The following DNAH9 variants were observed in gnomAD, a reference collection of about 807,000 sequenced individuals.
The protein encoded by DNAH9 is DNAH9 variant protein.
A neutral mutation model predicts 471.6 loss-of-function variants in DNAH9; 345 were observed. The observed-to-expected ratio is 0.73, with a 90% CI of 0.67 to 0.80. DNAH9 has a LOEUF of 0.80. DNAH9 is among the 30% of genes least tolerant of loss of function. The pLI is 0.00. For synonymous variants in DNAH9, 2,093 were observed against 2,123.6 expected (o/e 0.99, Z 0.40); for missense variants, 5,407 against 5,609.2 (o/e 0.96, Z 1.15).
At chr17:11,953,510 T>C (rs1411117273) in intron 67 of DNAH9, among the ~76,000 whole-genome samples, 1 of 152,076 alleles carries the variant, frequency 6.6e-6, no homozygotes, top group Non-Finnish European at 1.5e-5. Context: ...TCATGTTTGT[T>C]AGAAAAGAAG....
chr17:11,784,074 G>T (rs185554825), intron 40 of DNAH9, among the ~76,000 whole-genome samples: 1,676 of 152,200 alleles, frequency 0.011, 20 homozygotes, highest in Non-Finnish European at 0.013. Context: ...TCCAAGTTTA[G>T]TTCTCTTCCT....
intron 59 of DNAH9, among the ~76,000 whole-genome samples, chr17:11,899,612 C>G (rs1267173902): frequency 6.6e-6 from 1 of 152,204 alleles, no homozygotes; most frequent in East Asian, 1.9e-4. Flanking sequence ...AGATCCAGCC[C>G]TGGCAGCTGG....
intron 38 of DNAH9, among the ~76,000 whole-genome samples, chr17:11,776,488 GCCTAAAGAGAA>G (rs1209101493): frequency 2.6e-5 from 4 of 152,080 alleles, no homozygotes; most frequent in Non-Finnish European, 5.9e-5. Context: ...GCTGAAGACT[GCCTAAAGAGAA>G]GGAGGTTGGA....
intron 38 of DNAH9, among the ~76,000 whole-genome samples, chr17:11,780,445 C>T (rs1456444269): frequency 2.0e-5 from 3 of 152,232 alleles, no homozygotes; most frequent in East Asian, 1.9e-4. Context: ...GAGCGGCAGC[C>T]TTTATGCATT....
intron 24 of DNAH9, among the ~76,000 whole-genome samples, chr17:11,701,702 G>A (rs1305367284): frequency 6.6e-6 from 1 of 150,472 alleles, no homozygotes; most frequent in Non-Finnish European, 1.5e-5. Flanking sequence ...TGTTTAAGAC[G>A]GGGTGTTGCT....
intron 66 of DNAH9, 104 bp from the exon 67 acceptor site, chr17:11,942,199 C>T (rs1974941868): frequency 2.7e-6 from 4 of 1,456,706 alleles, no homozygotes; most frequent in Admixed American, 4.0e-5. Context: ...GGAGGGGCAG[C>T]AGACGATGGG....
At chr17:11,763,001 G>A (rs548534849) in intron 35 of DNAH9, among the ~76,000 whole-genome samples, 1 of 151,912 alleles carries the variant, frequency 6.6e-6, no homozygotes, top group South Asian at 2.1e-4. Context: ...GAATGGTCTC[G>A]ATCTCCTGAC....
chr17:11,952,150 T>C (rs1159889886), intron 67 of DNAH9, among the ~76,000 whole-genome samples: 10 of 147,778 alleles, frequency 6.8e-5, no homozygotes, highest in Non-Finnish European at 1.5e-4. Flanking sequence ...TTTTTTTTTT[T>C]TTTTTTTTTG....
rs185995341 is a variant in DNAH9 at position 11,701,213 on chromosome 17, C to T, written c.5117C>T (p.Pro1706Leu). ...TEGVTAYEEK[P>L]REQWLFDHPA... ...GGTGTAACTGCCTATGAAGAAAAGC[C>T]GAGGGAGCAGTGGCTTTTTGACCAC... The change falls in exon 24 of 69, where the codon CCG (proline) becomes CTG (leucine). Residue 1706 changes from proline (P) to leucine (L), a missense_variant. By Grantham distance (98) the Pro-to-Leu change is moderately conservative (BLOSUM62 -3). Coordinates refer to ENST00000262442, the MANE Select transcript of DNAH9 (RefSeq NM_001372.4). 4.8e-5 allele frequency: 78 copies of T among 1,613,804 alleles called. No individual in the cohort carries two copies. The highest frequency in any genetic ancestry group is 5.8e-5 in the Non-Finnish European group (69 of 1,179,946).
chr17:11,935,454 C>A (rs1974678631), intron 65 of DNAH9, among the ~76,000 whole-genome samples: 1 of 151,252 alleles, frequency 6.6e-6, no homozygotes, highest in Non-Finnish European at 1.5e-5. Flanking sequence ...CGGCTCACTG[C>A]AACCTCCGCC....
chr17:11,859,662 G>A (rs907197139), intron 50 of DNAH9, among the ~76,000 whole-genome samples: 3 of 152,144 alleles, frequency 2.0e-5, no homozygotes, highest in African/African-American at 7.2e-5. Context: ...CGAGGCCTCA[G>A]GAAGCTTACA....
In DNAH9 at chr17:11,785,995, T is replaced by C. The variant is rs1968855818; in HGVS notation, c.8061+1456T>C. ...CTAGCTCCCATTTTATGAGCATTCA[T>C]TGAGAAAGACTTTTTCACCACACAA... On this transcript the variant is annotated intron_variant, in intron 41 of 68. Coordinates refer to ENST00000262442, the MANE Select transcript of DNAH9 (RefSeq NM_001372.4). Among the ~76,000 whole-genome samples, 3 of 152,224 alleles carry C rather than the reference T, an allele frequency of 2.0e-5. No homozygotes were observed. In the South Asian group the frequency reaches 6.2e-4, roughly 32 times the overall value.
intron 19 of DNAH9, among the ~76,000 whole-genome samples, chr17:11,684,106 T>C (rs1373533357): frequency 6.6e-6 from 1 of 152,228 alleles, no homozygotes; most frequent in Non-Finnish European, 1.5e-5. Flanking sequence ...TTGAGTTTAA[T>C]TCTGGTTTCT....
chr17:11,759,270 C>G (rs1459498398), intron 35 of DNAH9, among the ~76,000 whole-genome samples: 3 of 151,960 alleles, frequency 2.0e-5, no homozygotes, highest in Admixed American at 6.6e-5. Flanking sequence ...ACCCTCAACC[C>G]CCTGCCACCC....
At chr17:11,622,295 G>A (rs1410870119) in intron 6 of DNAH9, among the ~76,000 whole-genome samples, 2 of 152,110 alleles carry the variant, frequency 1.3e-5, no homozygotes, top group Non-Finnish European at 2.9e-5. Context: ...TATGAAAGGC[G>A]CACCTTAAAC....
At chr17:11,833,016 T>A (rs1970727118) in intron 48 of DNAH9, among the ~76,000 whole-genome samples, 1 of 152,224 alleles carries the variant, frequency 6.6e-6, no homozygotes, top group African/African-American at 2.4e-5. Context: ...TCTGATTCAG[T>A]ACATCTGGAT....
chr17:11,748,459 G>A (rs1268213051), intron 32 of DNAH9, among the ~76,000 whole-genome samples: 2 of 152,068 alleles, frequency 1.3e-5, no homozygotes, highest in African/African-American at 2.4e-5. Flanking sequence ...GGAAGCCCAC[G>A]GCTCATTCCC....
In DNAH9 at chr17:11,716,196, G is replaced by T. The variant is rs148563265; in HGVS notation, c.5553-3138G>T. Among the ~76,000 whole-genome samples the T allele has an allele frequency of 2.5e-4, 38 of 150,672 alleles. No homozygotes were observed. The East Asian group carries it at 7.0e-3, about 28-fold the overall frequency. On this transcript the variant is annotated intron_variant, in intron 26 of 68. Coordinates refer to ENST00000262442, the MANE Select transcript of DNAH9 (RefSeq NM_001372.4). ...CCTCCCGGGTTTAAGCAATTCTCTG[G>T]CCTCAGCCACCCGAGTACCTGGGAT... is the stretch of plus-strand genomic sequence containing the variant.
chr17:11,890,193 A>G (rs900340141), intron 57 of DNAH9, among the ~76,000 whole-genome samples: 3 of 152,190 alleles, frequency 2.0e-5, no homozygotes, highest in Admixed American at 6.5e-5. Flanking sequence ...AACTGCCAGG[A>G]GAAAGCTCTC....
Sources: allele counts gnomAD v4.1 joint callset (sites outside exome capture counted in the v4.1 genomes callset), GRCh38; gene constraint gnomAD v4.1.1; transcripts MANE v1.5; gene names NCBI Gene and HGNC (gene_info 2026-07-23, HGNC 2026-07-21).